TICRR: variants seen among roughly 807,000 people sequenced by gnomAD.
TICRR encodes TOPBP1 interacting checkpoint and replication regulator, also known as treslin.
Under a neutral mutation model 178.1 loss-of-function variants are expected in TICRR, and 132 were observed. The ratio of observed to expected loss-of-function variants is 0.74; its 90% CI spans 0.64 to 0.86. The LOEUF (loss-of-function observed/expected upper bound fraction) is 0.86, where lower values mean the gene tolerates loss of function less well. Ranked by LOEUF, TICRR falls within the 40% of genes least tolerant of loss-of-function variation. The pLI is 0.00. For missense variants in TICRR, 2,587 were observed against 2,334.3 expected, an observed-to-expected ratio of 1.11 and a Z score of -2.23; for synonymous variants, 991 against 900.7, an observed-to-expected ratio of 1.10 and a Z score of -1.79.
chr15:89,609,488 TGA>T (rs774597121), intron 15 of TICRR, among the ~76,000 whole-genome samples: 11 of 152,092 alleles, frequency 7.2e-5, no homozygotes, highest in Non-Finnish European at 1.2e-4. Context: ...GTCTTTTTTT[TGA>T]GTCAGAGTCT....
At chr15:89,586,807 G>A (rs1399455477) in intron 4 of TICRR, among the ~76,000 whole-genome samples, 3 of 152,150 alleles carry the variant, frequency 2.0e-5, no homozygotes, top group Non-Finnish European at 2.9e-5. Context: ...CAAGGAGAGA[G>A]TAGGAGGGGG....
intron 15 of TICRR, 41 bp from the exon 16 acceptor site, chr15:89,616,364 G>A (rs772027662): frequency 2.5e-6 from 4 of 1,576,502 alleles, no homozygotes; most frequent in Non-Finnish European, 3.5e-6. Context: ...TCTTGATGAG[G>A]TTAAATGAAA....
At chr15:89,589,826 T>C (rs1962880966) in intron 4 of TICRR, among the ~76,000 whole-genome samples, 1 of 152,026 alleles carries the variant, frequency 6.6e-6, no homozygotes, top group South Asian at 2.1e-4. Context: ...TGATAAAAAC[T>C]AAGACAATCC....
chr15:89,585,978 G>A (rs1375447479), intron 4 of TICRR, 36 bp downstream of exon 4: 10 of 1,563,718 alleles, frequency 6.4e-6, no homozygotes, highest in Middle Eastern at 3.4e-4. Flanking sequence ...AGAGTCTAGG[G>A]TGGTTTGCAG....
At chr15:89,621,364 T>G (rs767709627) in intron 18 of TICRR, 29 bp from the exon 19 acceptor site, 1 of 1,584,622 alleles carries the variant, frequency 6.3e-7, no homozygotes, top group Non-Finnish European at 8.6e-7. Flanking sequence ...GAGAAAGAAT[T>G]AAATATTGTT....
rs1176419856 is a variant in TICRR, at chr15:89,576,850, T to C, written c.654+610T>C. Among the ~76,000 whole-genome samples the C allele has an allele frequency of 3.7e-3, 253 of 69,182 alleles. 1 individual carries two copies. The highest frequency in any genetic ancestry group is 0.01 in the African/African-American group (234 of 22,696). The allele number at this position is 69,182 out of a possible 152,430, so 45.4% of individuals were successfully genotyped here. A position where few individuals can be genotyped will look rare whatever the true frequency, so the allele number is the denominator to read the frequency against. ...ATATATATATATATATATATATATATATATATATATACACACACACACATA... is the reference window on the plus strand; with the variant it reads ...ATATATATATATATATATATATATACATATATATATACACACACACACATA... On this transcript the variant is annotated intron_variant, in intron 1 of 21. Coordinates refer to ENST00000268138, the MANE Select transcript of TICRR (RefSeq NM_152259.4).
At chr15:89,612,814 T>C (rs1053474160) in intron 15 of TICRR, among the ~76,000 whole-genome samples, 4 of 152,252 alleles carry the variant, frequency 2.6e-5, no homozygotes, top group African/African-American at 7.2e-5. Flanking sequence ...GATACCAATT[T>C]AACTTTGACA....
intron 2 of TICRR, among the ~76,000 whole-genome samples, chr15:89,583,755 G>A (rs955523911): frequency 5.3e-5 from 8 of 151,770 alleles, no homozygotes; most frequent in Admixed American, 1.3e-4. Context: ...AGCTCAGATC[G>A]CAGCTCACTG....
chr15:89,599,607 G>T (rs754395586), intron 8 of TICRR, 132 bp downstream of exon 8: 59 of 873,664 alleles, frequency 6.8e-5, no homozygotes, highest in East Asian at 3.4e-4. Flanking sequence ...GATAAGTAAG[G>T]GAGTAAGTAC....
chr15:89,616,271 A>G (rs1963333921), intron 15 of TICRR, 134 bp from the exon 16 acceptor site: 1 of 669,804 alleles, frequency 1.5e-6, no homozygotes, highest in Middle Eastern at 2.5e-4. Context: ...CATAGAACTT[A>G]GCCCAAAGAC....
chr15:89,624,566 A>T lies in TICRR; in HGVS notation c.4256A>T (p.Asp1419Val). 1 of 1,613,286 alleles carries T rather than the reference A, an allele frequency of 6.2e-7. No individual in the cohort carries two copies. The change falls in exon 20 of 22, where the codon GAC (aspartate) becomes GTC (valine). Residue 1419 changes from aspartate (D) to valine (V), a missense_variant. Transcript: ENST00000268138. ...GTADSPAAPT[D>V]SRDDQKGLSL... ...GCTGACAGCCCAGCTGCCCCCACAGACTCTAGAGATGACCAGAAGGGACTG... is the reference window on the plus strand; with the variant it reads ...GCTGACAGCCCAGCTGCCCCCACAGTCTCTAGAGATGACCAGAAGGGACTG...
At position 89,626,260 on chromosome 15, in the gene TICRR, C is replaced by CA. The variant is rs1963524201; in HGVS notation, c.5602+203dup. ...TGTGTGCATGTGAACAGAAGCCCCT[C>CA]AAAATCCTGCTAAAATTCCTCGGTC... On this transcript the variant is annotated intron_variant, in intron 21 of 21. Coordinates refer to ENST00000268138, the MANE Select transcript of TICRR (RefSeq NM_152259.4). Among the ~76,000 whole-genome samples, 5 of 152,324 alleles carry CA rather than the reference C, an allele frequency of 3.3e-5. No individual in the cohort carries two copies. The South Asian group carries it at 1.0e-3, about 32-fold the overall frequency.
chr15:89,601,862 A>G lies in TICRR; in HGVS notation c.2453A>G (p.Asn818Ser). The change falls in exon 12 of 22, where the codon AAC becomes AGC. Residue 818 changes from asparagine to serine, a missense_variant. Transcript: ENST00000268138. ...AGTGATGACTCCATGACACAAGAGA[A>G]CAAATCACCACTTCTTTCTGTGCCT... The part of the protein sequence containing the change: ...FFSDDSMTQE[N>S]KSPLLSVPFL... 1 of 1,614,140 alleles carries G rather than the reference A, an allele frequency of 6.2e-7. No homozygotes were observed. The highest frequency in any genetic ancestry group is 8.5e-7 in the Non-Finnish European group (1 of 1,180,014).
In TICRR at chr15:89,592,171, AT is replaced by A; in HGVS notation, c.1539del (p.Phe513LeufsTer21). 6.2e-7 allele frequency: 1 copy of A among 1,611,138 alleles called. No homozygotes were observed. Among genetic ancestry groups the A allele is most frequent in the Non-Finnish European group, 8.5e-7 (1 of 1,177,650 alleles). ...SGASSDLMESFGLLQAASANK... is the reference protein window; with the variant it reads ...SGASSDLMESXGLLQAASANK... ...GTGCCAGTTCCGATTTGATGGAGTCATTTGGGTAAAACGTTTTTATATCTCT... is the reference window on the plus strand; with the variant it reads ...GTGCCAGTTCCGATTTGATGGAGTCATTGGGTAAAACGTTTTTATATCTCT... On this transcript the variant is annotated frameshift_variant, in exon 5 of 22. Coordinates refer to ENST00000268138, the MANE Select transcript of TICRR (RefSeq NM_152259.4). LOFTEE classifies it high-confidence loss of function.
chr15:89,614,026 C>T (rs376229120), intron 15 of TICRR, among the ~76,000 whole-genome samples: 13 of 152,000 alleles, frequency 8.6e-5, no homozygotes, highest in African/African-American at 2.2e-4. Flanking sequence ...TGGTGGCGGG[C>T]GCCTGTAGTC....
At chr15:89,598,571 C>G (rs1963039241) in intron 7 of TICRR, among the ~76,000 whole-genome samples, 1 of 148,666 alleles carries the variant, frequency 6.7e-6, no homozygotes, top group East Asian at 2.2e-4. Context: ...ACCATGTTGG[C>G]CAGGCTGGTC....
chr15:89,598,996 G>GT (rs1487355002), intron 7 of TICRR, among the ~76,000 whole-genome samples: 2 of 152,132 alleles, frequency 1.3e-5, no homozygotes, highest in Admixed American at 6.5e-5. Context: ...GATTGTCAGA[G>GT]TAAGACCTTG....
At chr15:89,605,363 C>T (rs1242205502) in intron 13 of TICRR, among the ~76,000 whole-genome samples, 1 of 152,078 alleles carries the variant, frequency 6.6e-6, no homozygotes, top group Non-Finnish European at 1.5e-5. Context: ...GGATGTATGA[C>T]TTTTATTTTT....
intron 15 of TICRR, 33 bp downstream of exon 15, chr15:89,608,982 A>T: frequency 6.4e-7 from 1 of 1,560,308 alleles, no homozygotes. Context: ...GGAAAAAGGA[A>T]AGGGAGATTC....
Sources: allele counts gnomAD v4.1 joint callset (sites outside exome capture counted in the v4.1 genomes callset), GRCh38; gene constraint gnomAD v4.1.1; transcripts MANE v1.5; gene names NCBI Gene and HGNC (gene_info 2026-07-23, HGNC 2026-07-21).